THSD7B: variants seen among roughly 807,000 people sequenced by gnomAD.
THSD7B encodes the protein thrombospondin type 1 domain containing 7B.
Under a neutral mutation model 213.6 loss-of-function variants are expected in THSD7B, and 138 were observed. The ratio of observed to expected loss-of-function variants is 0.65; its 90% CI spans 0.56 to 0.74. The LOEUF is 0.74. Ranked by LOEUF, THSD7B falls within the 30% of genes least tolerant of loss-of-function variation. The probability of loss-of-function intolerance (pLI) is 0.00; values close to 1 mark genes in which losing one functional copy is unlikely to be tolerated. For missense variants in THSD7B, 1,931 were observed against 1,991.5 expected (o/e 0.97, Z 0.58); for synonymous variants, 742 against 687.0 (o/e 1.08, Z -1.25).
intron 12 of THSD7B, among the ~76,000 whole-genome samples, chr2:137,327,163 A>G (rs1477344219): frequency 6.6e-6 from 1 of 152,178 alleles, no homozygotes; most frequent in Non-Finnish European, 1.5e-5. Flanking sequence ...GAAGTCCCTG[A>G]TTTAAAGCGC....
chr2:137,585,183 T>C (rs1275684402), intron 17 of THSD7B, among the ~76,000 whole-genome samples: 1 of 152,200 alleles, frequency 6.6e-6, no homozygotes, highest in African/African-American at 2.4e-5. Context: ...TCAGTGGTGA[T>C]ATCCTTTTTA....
chr2:136,883,733 G>C (rs1683665760), intron 2 of THSD7B, among the ~76,000 whole-genome samples: 1 of 152,134 alleles, frequency 6.6e-6, no homozygotes, highest in African/African-American at 2.4e-5. Context: ...GTAGGTCATT[G>C]GAACAAGATG....
intron 1 of THSD7B, among the ~76,000 whole-genome samples, chr2:136,797,933 A>G (rs1284589352): frequency 6.6e-6 from 1 of 151,892 alleles, no homozygotes; most frequent in Non-Finnish European, 1.5e-5. Flanking sequence ...TCTGACTTCT[A>G]TTTGGAGGTG....
At chr2:137,128,599 A>G (rs557983431) in intron 5 of THSD7B, among the ~76,000 whole-genome samples, 1 of 152,320 alleles carries the variant, frequency 6.6e-6, no homozygotes, top group East Asian at 1.9e-4. Flanking sequence ...AAACGTGCAA[A>G]TTGAGACCTG....
intron 15 of THSD7B, among the ~76,000 whole-genome samples, chr2:137,472,390 C>G (rs953349347): frequency 6.6e-6 from 1 of 151,970 alleles, no homozygotes; most frequent in African/African-American, 2.4e-5. Context: ...TTACTATAAT[C>G]AAAACTTAAA....
chr2:136,843,088 AT>A (rs58411751), intron 1 of THSD7B, among the ~76,000 whole-genome samples: 40,954 of 128,342 alleles, frequency 0.32, 5,020 homozygotes, highest in Middle Eastern at 0.42. Flanking sequence ...GAGTGGTTTC[AT>A]TTTTTTTTTT....
chr2:137,544,160 A>T (rs898882474), intron 15 of THSD7B, among the ~76,000 whole-genome samples: 14 of 151,808 alleles, frequency 9.2e-5, no homozygotes, highest in African/African-American at 2.9e-4. Context: ...AAAAACTTGC[A>T]TATAAATGTT....
At chr2:137,404,833 A>C (rs1452707758) in intron 12 of THSD7B, among the ~76,000 whole-genome samples, 1 of 151,874 alleles carries the variant, frequency 6.6e-6, no homozygotes. Flanking sequence ...AGAATGATAC[A>C]ATGAACTTTG....
intron 1 of THSD7B, among the ~76,000 whole-genome samples, chr2:136,849,780 G>T (rs2104962415): frequency 6.6e-6 from 1 of 152,084 alleles, no homozygotes; most frequent in African/African-American, 2.4e-5. Flanking sequence ...AAATTGTTTA[G>T]ATATTTTTGT....
At chr2:137,378,392 G>T (rs928927149) in intron 12 of THSD7B, among the ~76,000 whole-genome samples, 2 of 152,174 alleles carry the variant, frequency 1.3e-5, no homozygotes, top group African/African-American at 4.8e-5. Context: ...TACTCAGAGT[G>T]TATATTTATT....
chr2:137,071,488 T>A (rs1466328661), intron 3 of THSD7B, among the ~76,000 whole-genome samples: 1 of 152,210 alleles, frequency 6.6e-6, no homozygotes, highest in Admixed American at 6.5e-5. Flanking sequence ...TTGCAAAAAT[T>A]TTCTCCCATT....
At chr2:137,340,985 T>G (rs942733551) in intron 12 of THSD7B, among the ~76,000 whole-genome samples, 2 of 148,942 alleles carry the variant, frequency 1.3e-5, no homozygotes, top group African/African-American at 4.9e-5. Context: ...CTTTTTGTTT[T>G]TTTTTTTTTT....
intron 2 of THSD7B, among the ~76,000 whole-genome samples, chr2:136,939,675 G>A (rs1277661111): frequency 1.3e-5 from 2 of 152,086 alleles, no homozygotes; most frequent in African/African-American, 4.8e-5. Context: ...GAACCATGGT[G>A]TGCACATCTT....
intron 1 of THSD7B, among the ~76,000 whole-genome samples, chr2:136,792,552 GA>G (rs1344266998): frequency 6.6e-6 from 1 of 152,018 alleles, no homozygotes. Context: ...CAAGTTTATA[GA>G]TTGTGACAAA....
chr2:137,439,910 A>T (rs917693462), intron 14 of THSD7B, among the ~76,000 whole-genome samples: 2 of 152,106 alleles, frequency 1.3e-5, no homozygotes, highest in African/African-American at 2.4e-5. Flanking sequence ...AGAAAAATGG[A>T]TTCTCATCTC....
At chr2:137,426,722 C>T (rs1479273875) in intron 14 of THSD7B, among the ~76,000 whole-genome samples, 2 of 152,112 alleles carry the variant, frequency 1.3e-5, no homozygotes, top group Non-Finnish European at 2.9e-5. Flanking sequence ...ATAAGGGAAA[C>T]ATTCATGACA....
chr2:137,130,068 C>T (rs1688701218), intron 5 of THSD7B, among the ~76,000 whole-genome samples: 1 of 151,986 alleles, frequency 6.6e-6, no homozygotes, highest in African/African-American at 2.4e-5. Flanking sequence ...CTTTAGAACT[C>T]AAGGAGCTAC....
intron 7 of THSD7B, among the ~76,000 whole-genome samples, chr2:137,180,796 C>A (rs971962575): frequency 2.0e-5 from 3 of 152,054 alleles, no homozygotes; most frequent in Admixed American, 6.6e-5. Flanking sequence ...CTACATTGAC[C>A]CTGCCCTGTA....
Position 137,338,147 on chromosome 2 carries a change from G to C in THSD7B, c.2500+62121G>C, listed in dbSNP as rs115430086. 7.1e-3 allele frequency among the ~76,000 whole-genome samples: 1,084 copies of C among 152,222 alleles called. 17 individuals are homozygous for C. The highest frequency in any genetic ancestry group is 0.025 in the African/African-American group (1,051 of 41,556). On this transcript the variant is annotated intron_variant, in intron 12 of 27. Transcript: ENST00000409968. ...TTTCTTTAGTTTGAAGCCTGGCTAA[G>C]AATGGTTGCAGCAGCTCTGAGGTTA...
Sources: gnomAD v4.1 joint callset for allele counts (sites outside exome capture counted in the v4.1 genomes callset) on GRCh38, gnomAD v4.1.1 for gene constraint, MANE v1.5 for transcripts, NCBI Gene and HGNC (gene_info 2026-07-23, HGNC 2026-07-21) for gene names.